ARMC1: variants seen among roughly 807,000 people sequenced by gnomAD.
ARMC1 encodes armadillo repeat-containing protein 1.
Under a neutral mutation model 31.4 loss-of-function variants are expected in ARMC1, and 16 were observed. The ratio of observed to expected loss-of-function variants is 0.51; its 90% CI spans 0.34 to 0.77. The LOEUF (loss-of-function observed/expected upper bound fraction) is 0.77, where lower values mean the gene tolerates loss of function less well. Ranked by LOEUF, ARMC1 falls within the 30% of genes least tolerant of loss-of-function variation. ARMC1 has a pLI of 0.01. For missense variants in ARMC1, 259 were observed against 347.5 expected (o/e 0.75, Z 2.02); for synonymous variants, 114 against 118.9 (o/e 0.96, Z 0.27).
At chr8:65,625,325 C>T (rs556184573) in intron 2 of ARMC1, among the ~76,000 whole-genome samples, 2 of 152,328 alleles carry the variant, frequency 1.3e-5, no homozygotes, top group Middle Eastern at 3.4e-3. Context: ...GGCCAAGTAA[C>T]AACTCTAGAC....
chr8:65,610,890 T>C (rs989321462), intron 4 of ARMC1, among the ~76,000 whole-genome samples: 11 of 152,260 alleles, frequency 7.2e-5, no homozygotes, highest in African/African-American at 2.2e-4. Context: ...CTGTTTCATC[T>C]ACATTATGAA....
In ARMC1 at chr8:65,604,114, G is replaced by A. The variant is rs557545587; in HGVS notation, c.*280C>T. Reference sequence around the variant, plus strand: ...ATGTAAAGCTGCACATACACATGTGGTTTTAACAGTGGACCCATGGTTTTT... The same window carrying A: ...ATGTAAAGCTGCACATACACATGTGATTTTAACAGTGGACCCATGGTTTTT... On this transcript the variant is annotated 3_prime_UTR_variant, in exon 7 of 7. Coordinates refer to ENST00000276569, the MANE Select transcript of ARMC1 (RefSeq NM_018120.6). 5.5e-5 allele frequency: 16 copies of A among 290,686 alleles called. 1 individual carries two copies. The highest frequency in any genetic ancestry group is 3.3e-4 in the African/African-American group (15 of 46,136). The allele number at this position is 290,686 out of a possible 1,614,324, so 18.0% of individuals were successfully genotyped here.
chr8:65,621,008 G>A (rs1808382676), intron 3 of ARMC1, among the ~76,000 whole-genome samples: 1 of 152,156 alleles, frequency 6.6e-6, no homozygotes, highest in African/African-American at 2.4e-5. Flanking sequence ...TGAGGTGGGA[G>A]AATAGCTGGA....
rs1808406908 is a variant in ARMC1, at chr8:65,622,166, G to C, written c.275+97C>G. 3.4e-6 allele frequency: 3 copies of C among 891,880 alleles called. No homozygotes were observed. In the East Asian group the frequency reaches 7.4e-5, roughly 22 times the overall value. 55.2% of individuals were successfully genotyped at this position (891,880 alleles called of 1,614,324 possible). On this transcript the variant is annotated intron_variant, in intron 3 of 6. Transcript: ENST00000276569. ...GCACTTTGGAAAGCCAAGGTGGAAGGATCGCTTGAACCCAGCATGGGCAAC... is the reference window on the plus strand; with the variant it reads ...GCACTTTGGAAAGCCAAGGTGGAAGCATCGCTTGAACCCAGCATGGGCAAC...
chr8:65,618,521 CAA>C (rs34079304), intron 3 of ARMC1, among the ~76,000 whole-genome samples: 8 of 98,668 alleles, frequency 8.1e-5, no homozygotes, highest in Admixed American at 2.3e-4. Context: ...GACTCAGTCT[CAA>C]AAAAAAAAAA....
intron 3 of ARMC1, among the ~76,000 whole-genome samples, chr8:65,617,184 G>C (rs1386100702): frequency 6.6e-6 from 1 of 152,268 alleles, no homozygotes; most frequent in Non-Finnish European, 1.5e-5. Context: ...ATAGAAAAGG[G>C]GGAATGTGGG....
intron 1 of ARMC1, chr8:65,632,832 A>G (rs1452148158): frequency 6.6e-6 from 1 of 152,220 alleles, no homozygotes; most frequent in Non-Finnish European, 1.5e-5. Context: ...TCTCAAAAAA[A>G]AAAATAAAAA....
rs1807984742 is a variant in ARMC1, at chr8:65,605,557, A to C, written c.466-19T>G. On this transcript the variant is annotated intron_variant, in intron 4 of 6. Transcript: ENST00000276569. Reference sequence around the variant, plus strand: ...TCCGAGACTGAAAAAGTAAAAGCAAATTGTTATGAAAATAGGTAAATAAAA... The same window carrying C: ...TCCGAGACTGAAAAAGTAAAAGCAACTTGTTATGAAAATAGGTAAATAAAA... 1 of 1,530,978 alleles carries C rather than the reference A, an allele frequency of 6.5e-7. No individual in the cohort carries two copies. The highest frequency in any genetic ancestry group is 1.4e-5 in the African/African-American group (1 of 73,182). The allele number at this position is 1,530,978 out of a possible 1,614,324, so 94.8% of individuals were successfully genotyped here.
intron 1 of ARMC1, among the ~76,000 whole-genome samples, chr8:65,628,391 A>ATTTTTTTT (rs763494218): frequency 4.7e-4 from 37 of 78,814 alleles, no homozygotes; most frequent in Admixed American, 8.6e-4. Context: ...CGCCCGGCTA[A>ATTTTTTTT]TTTTTTTTTT....
intron 3 of ARMC1, among the ~76,000 whole-genome samples, chr8:65,618,805 AG>A (rs1305185265): frequency 6.6e-6 from 1 of 152,118 alleles, no homozygotes; most frequent in Non-Finnish European, 1.5e-5. Context: ...GCACTTTGGG[AG>A]GCCGAGGTGA....
intron 4 of ARMC1, among the ~76,000 whole-genome samples, chr8:65,611,518 C>A (rs1808140292): frequency 6.6e-6 from 1 of 151,626 alleles, no homozygotes; most frequent in Non-Finnish European, 1.5e-5. Context: ...GTTGCCTATC[C>A]AGGAGTGTGT....
Position 65,619,652 on chromosome 8 carries a change from G to A in ARMC1, c.275+2611C>T, listed in dbSNP as rs1808350185. ...ACTTGAGTCCAGGAGTTCGAAACCA[G>A]TCTAGGCAACATGTCAAGACCCCAT... On this transcript the variant is annotated intron_variant, in intron 3 of 6. Transcript: ENST00000276569. Among the ~76,000 whole-genome samples, 6 of 151,950 alleles carry A rather than the reference G, an allele frequency of 3.9e-5. No homozygotes were observed. In the South Asian group the frequency reaches 1.0e-3, roughly 26 times the overall value.
Position 65,631,190 on chromosome 8 carries a change from TTGA to T in ARMC1, c.-36+2805_-36+2807del, listed in dbSNP as rs1269872877. ...ACTCATTTTTCTTACCTTGATATTC[TTGA>T]TGATAACAAGTTACTCTGACATCCA... On this transcript the variant is annotated intron_variant, in intron 1 of 6. Coordinates refer to ENST00000276569, the MANE Select transcript of ARMC1 (RefSeq NM_018120.6). 2.6e-5 allele frequency among the ~76,000 whole-genome samples: 4 copies of T among 152,346 alleles called. No individual in the cohort carries two copies. In the East Asian group the frequency reaches 5.8e-4, roughly 22 times the overall value.
At chr8:65,616,683 G>A (rs1324755070) in intron 3 of ARMC1, among the ~76,000 whole-genome samples, 12 of 151,718 alleles carry the variant, frequency 7.9e-5, no homozygotes, top group Non-Finnish European at 1.3e-4. Context: ...CGTCTAGGAA[G>A]TGAGGAGCGT....
At chr8:65,621,976 C>T (rs1428922843) in intron 3 of ARMC1, among the ~76,000 whole-genome samples, 2 of 150,076 alleles carry the variant, frequency 1.3e-5, no homozygotes, top group Non-Finnish European at 3.0e-5. Flanking sequence ...CTTGTTCTGT[C>T]GCCCAGGCTA....
intron 1 of ARMC1, among the ~76,000 whole-genome samples, chr8:65,631,560 A>G (rs748393146): frequency 6.6e-6 from 1 of 152,210 alleles, no homozygotes; most frequent in Non-Finnish European, 1.5e-5. Context: ...TAAATGATCA[A>G]TATTTCTGTG....
At chr8:65,613,016 C>T (rs1022221283) in intron 4 of ARMC1, among the ~76,000 whole-genome samples, 2 of 152,012 alleles carry the variant, frequency 1.3e-5, no homozygotes, top group Admixed American at 6.6e-5. Flanking sequence ...TTTTCTATTT[C>T]TCCCCATTTC....
chr8:65,616,957 T>C (rs1342836306), intron 3 of ARMC1, among the ~76,000 whole-genome samples: 1 of 149,158 alleles, frequency 6.7e-6, no homozygotes, highest in Admixed American at 6.6e-5. Flanking sequence ...GTCTGGGAAG[T>C]GAGGAGCGTC....
Position 65,602,900 on chromosome 8 carries a change from A to G in ARMC1, c.*1494T>C, listed in dbSNP as rs1357920458. 6.6e-6 allele frequency: 1 copy of G among 151,622 alleles called. No homozygotes were observed. The highest frequency in any genetic ancestry group is 2.4e-5 in the African/African-American group (1 of 41,292). 9.4% of individuals were successfully genotyped at this position (151,622 alleles called of 1,614,324 possible). Reference sequence around the variant, plus strand: ...CACATGTAAAAAAATATCATCCTCAATGCCCCCCATTAACTCTCTCTCCAG... The same window carrying G: ...CACATGTAAAAAAATATCATCCTCAGTGCCCCCCATTAACTCTCTCTCCAG... On this transcript the variant is annotated 3_prime_UTR_variant, in exon 7 of 7. Transcript: ENST00000276569.
Sources: gnomAD v4.1 joint callset for allele counts (sites outside exome capture counted in the v4.1 genomes callset) on GRCh38, gnomAD v4.1.1 for gene constraint, MANE v1.5 for transcripts, NCBI Gene and HGNC (gene_info 2026-07-23, HGNC 2026-07-21) for gene names.